The following RBKS variants were observed in gnomAD, a reference collection of about 807,000 sequenced individuals.
The protein encoded by RBKS is ribokinase.
In RBKS, 33 loss-of-function variants were observed where a neutral mutation model predicts 33.9. The ratio of observed to expected loss-of-function variants is 0.97; its 90% CI spans 0.74 to 1.30. The LOEUF (loss-of-function observed/expected upper bound fraction) is 1.30, where lower values mean the gene tolerates loss of function less well. RBKS is among the 50% of genes most tolerant of loss of function. RBKS has a pLI of 0.00. For missense variants in RBKS, 361 were observed against 392.6 expected, an observed-to-expected ratio of 0.92 and a Z score of 0.68; for synonymous variants, 125 against 143.0, an observed-to-expected ratio of 0.87 and a Z score of 0.90.
chr2:27,802,915 T>C (rs530676748), intron 7 of RBKS, among the ~76,000 whole-genome samples: 2 of 152,346 alleles, frequency 1.3e-5, no homozygotes, highest in African/African-American at 2.4e-5. Flanking sequence ...TTTGTGAACA[T>C]GCCATTAGGC....
chr2:27,878,223 T>C (rs907230491), intron 1 of RBKS, among the ~76,000 whole-genome samples: 1 of 146,226 alleles, frequency 6.8e-6, no homozygotes, highest in Non-Finnish European at 1.5e-5. Context: ...GATGTTCCCC[T>C]TCCTGTGTCC....
chr2:27,884,244 A>C (rs1208840751), intron 1 of RBKS, among the ~76,000 whole-genome samples: 2 of 152,080 alleles, frequency 1.3e-5, no homozygotes, highest in East Asian at 1.9e-4. Context: ...GGTACAGTAT[A>C]ACTCTCTTTT....
chr2:27,862,543 T>C (rs1000239653), intron 1 of RBKS, among the ~76,000 whole-genome samples: 2 of 152,210 alleles, frequency 1.3e-5, no homozygotes, highest in African/African-American at 4.8e-5. Context: ...AACAGAGCCT[T>C]ACTGAATGCT....
At chr2:27,880,788 C>A (rs1664402958) in intron 1 of RBKS, among the ~76,000 whole-genome samples, 1 of 152,082 alleles carries the variant, frequency 6.6e-6, no homozygotes, top group South Asian at 2.1e-4. Flanking sequence ...ATAGAAAAAA[C>A]ATTCCATGCT....
At chr2:27,828,058 T>C (rs184241846) in intron 6 of RBKS, among the ~76,000 whole-genome samples, 98 of 152,334 alleles carry the variant, frequency 6.4e-4, no homozygotes, top group African/African-American at 2.3e-3. Context: ...TCTTAGGAGA[T>C]GTATGCCGAA....
At chr2:27,820,313 G>C (rs567998398) in intron 7 of RBKS, among the ~76,000 whole-genome samples, 1 of 152,178 alleles carries the variant, frequency 6.6e-6, no homozygotes, top group South Asian at 2.1e-4. Flanking sequence ...CATAACAGCT[G>C]GTGAGGTTTT....
intron 7 of RBKS, among the ~76,000 whole-genome samples, chr2:27,816,329 G>A (rs768613248): frequency 6.6e-6 from 1 of 152,226 alleles, no homozygotes; most frequent in African/African-American, 2.4e-5. Flanking sequence ...CAGATGTCTT[G>A]TGCCTTGTCT....
At chr2:27,823,176 T>G (rs1390817500) in intron 7 of RBKS, among the ~76,000 whole-genome samples, 1 of 152,098 alleles carries the variant, frequency 6.6e-6, no homozygotes, top group Non-Finnish European at 1.5e-5. Flanking sequence ...TCAGATAACA[T>G]ATAGAAATGG....
At chr2:27,871,706 G>T (rs1664215338) in intron 1 of RBKS, among the ~76,000 whole-genome samples, 1 of 152,190 alleles carries the variant, frequency 6.6e-6, no homozygotes, top group Non-Finnish European at 1.5e-5. Flanking sequence ...ACCAGATGCA[G>T]CTGTACAACT....
chr2:27,841,772 CTTTT>C (rs879598263), intron 5 of RBKS, among the ~76,000 whole-genome samples: 1 of 108,410 alleles, frequency 9.2e-6, no homozygotes, highest in African/African-American at 3.8e-5. Flanking sequence ...TGTTCTTTTT[CTTTT>C]TTCTTTTTAG....
At chr2:27,846,004 G>A (rs1222730080) in intron 4 of RBKS, among the ~76,000 whole-genome samples, 2 of 151,378 alleles carry the variant, frequency 1.3e-5, no homozygotes, top group Non-Finnish European at 2.9e-5. Flanking sequence ...CTCCGTCGTC[G>A]CCCAGGCTGG....
chr2:27,795,504 C>T lies in RBKS; in HGVS notation c.796-13716G>A, dbSNP rs1677650215. On this transcript the variant is annotated intron_variant, in intron 7 of 7. Transcript: ENST00000302188. The surrounding 1 kb of genome is among the most constrained non-coding windows in gnomAD (Gnocchi z 4.1). ...AGAGAGTGAACTTTTACTGTTTGCTCCTCATCAAGAGGCAGCAAAGCCGGG... is the reference window on the plus strand; with the variant it reads ...AGAGAGTGAACTTTTACTGTTTGCTTCTCATCAAGAGGCAGCAAAGCCGGG... Among the ~76,000 whole-genome samples, 2 of 152,130 alleles carry T rather than the reference C, an allele frequency of 1.3e-5. No individual in the cohort carries two copies. Among genetic ancestry groups the T allele is most frequent in the South Asian group, 4.1e-4 (2 of 4,820 alleles).
At chr2:27,872,740 G>A (rs934728385) in intron 1 of RBKS, among the ~76,000 whole-genome samples, 3 of 152,128 alleles carry the variant, frequency 2.0e-5, no homozygotes, top group Non-Finnish European at 2.9e-5. Context: ...ATCACGGTAG[G>A]TGATGTTAAT....
intron 1 of RBKS, among the ~76,000 whole-genome samples, chr2:27,865,318 T>TCAAACAAA (rs111615920): frequency 4.6e-5 from 7 of 151,948 alleles, no homozygotes; most frequent in Admixed American, 6.6e-5. Context: ...AGACTCCTTC[T>TCAAACAAA]CAAACAAACA....
intron 7 of RBKS, among the ~76,000 whole-genome samples, chr2:27,823,624 G>T (rs1678258523): frequency 6.6e-6 from 1 of 152,154 alleles, no homozygotes. Context: ...GATTTATGAA[G>T]AGGCTGCACA....
Position 27,781,495 on chromosome 2 carries a change from A to T in RBKS, c.*120T>A. On this transcript the variant is annotated 3_prime_UTR_variant, in exon 8 of 8. Transcript: ENST00000302188. ...AATTGAAGCTTGAGGATGACTTCGT[A>T]AAAGAACTAATATTTGCAAAGAAAG... The T allele has an allele frequency of 1.3e-6, 1 of 759,686 alleles. No homozygotes were observed. The highest frequency in any genetic ancestry group is 2.2e-5 in the South Asian group (1 of 44,828). The allele number at this position is 759,686 out of a possible 1,614,324, so 47.1% of individuals were successfully genotyped here.
intron 7 of RBKS, among the ~76,000 whole-genome samples, chr2:27,796,939 G>T (rs1195380679): frequency 6.6e-6 from 1 of 152,128 alleles, no homozygotes; most frequent in Non-Finnish European, 1.5e-5. Flanking sequence ...TCCCTTGCCT[G>T]CCTGGGCCCT....
chr2:27,813,702 G>T (rs974484805), intron 7 of RBKS, among the ~76,000 whole-genome samples: 2 of 151,854 alleles, frequency 1.3e-5, no homozygotes, highest in African/African-American at 4.8e-5. Context: ...GAGAGAGAGC[G>T]AATATCTAAT....
intron 7 of RBKS, among the ~76,000 whole-genome samples, chr2:27,794,305 AAATAAT>A (rs70953884): frequency 0.033 from 4,499 of 137,692 alleles, 110 homozygotes; most frequent in African/African-American, 0.064. Context: ...CCCCCCCACA[AAATAAT>A]AATAATAATA....
Sources: gnomAD v4.1 joint callset for allele counts (sites outside exome capture counted in the v4.1 genomes callset) on GRCh38, gnomAD v4.1.1 for gene constraint, Gnocchi (gnomAD v3.1) non-coding constraint, MANE v1.5 for transcripts, NCBI Gene and HGNC (gene_info 2026-07-23, HGNC 2026-07-21) for gene names.